RAD51B: variants seen among roughly 807,000 people sequenced by gnomAD.
RAD51B encodes the protein DNA repair protein RAD51 homolog 2.
In RAD51B, 38 loss-of-function variants were observed where a neutral mutation model predicts 42.2. The ratio of observed to expected loss-of-function variants is 0.90; its 90% CI spans 0.70 to 1.18. The LOEUF is 1.18. RAD51B is among the 50% of genes most tolerant of loss of function. RAD51B has a pLI of 0.00. For missense variants in RAD51B, 373 were observed against 400.7 expected (o/e 0.93, Z 0.59); for synonymous variants, 154 against 145.2 (o/e 1.06, Z -0.43).
intron 10 of RAD51B, among the ~76,000 whole-genome samples, chr14:68,608,131 G>A (rs373427781): frequency 2.6e-5 from 4 of 152,192 alleles, no homozygotes; most frequent in African/African-American, 7.2e-5. Context: ...CCCAGGTGCA[G>A]CTGGGCACCA....
chr14:67,879,285 G>C (rs1478977288), intron 5 of RAD51B, among the ~76,000 whole-genome samples: 1 of 152,102 alleles, frequency 6.6e-6, no homozygotes, highest in African/African-American at 2.4e-5. Context: ...AGATTATGTA[G>C]GATAATCTCT....
chr14:68,056,964 C>G (rs1005969893), intron 7 of RAD51B, among the ~76,000 whole-genome samples: 1 of 151,562 alleles, frequency 6.6e-6, no homozygotes, highest in African/African-American at 2.4e-5. Flanking sequence ...TAGCAGATGC[C>G]TATAATCCCA....
chr14:68,604,431 T>C (rs2236184), intron 10 of RAD51B, among the ~76,000 whole-genome samples: 108,029 of 152,124 alleles, frequency 0.71, 38,489 homozygotes, highest in Middle Eastern at 0.82. Context: ...TCACCTCCTG[T>C]GGTGTCCCGC....
intron 7 of RAD51B, among the ~76,000 whole-genome samples, chr14:68,108,316 A>G (rs571702665): frequency 1.3e-5 from 2 of 152,156 alleles, no homozygotes; most frequent in African/African-American, 2.4e-5. Flanking sequence ...AACTTTGTAC[A>G]TAAATATCCA....
At chr14:68,215,876 C>T (rs182955795) in intron 7 of RAD51B, among the ~76,000 whole-genome samples, 14 of 152,222 alleles carry the variant, frequency 9.2e-5, no homozygotes, top group African/African-American at 3.1e-4. Flanking sequence ...TTACTCAGTA[C>T]CAAGGATAAT....
At chr14:68,045,236 C>CA (rs537073885) in intron 7 of RAD51B, among the ~76,000 whole-genome samples, 3,751 of 21,952 alleles carry the variant, frequency 0.17, 713 homozygotes, top group African/African-American at 0.23. Flanking sequence ...AACTCTGTCT[C>CA]AAAAAAAAAA....
intron 9 of RAD51B, among the ~76,000 whole-genome samples, chr14:68,426,102 C>T (rs1248154583): frequency 6.6e-6 from 1 of 150,524 alleles, no homozygotes. Flanking sequence ...GAGTTTCACT[C>T]TTGTTGCCTG....
chr14:68,487,582 C>T (rs907456656), intron 10 of RAD51B, among the ~76,000 whole-genome samples: 4 of 151,814 alleles, frequency 2.6e-5, no homozygotes, highest in Non-Finnish European at 5.9e-5. Flanking sequence ...AATCTTGACT[C>T]ACTGCAGTCT....
At chr14:68,469,888 G>A (rs918071487) in intron 10 of RAD51B, among the ~76,000 whole-genome samples, 6 of 152,164 alleles carry the variant, frequency 3.9e-5, no homozygotes, top group Non-Finnish European at 8.8e-5. Context: ...TTGTTAAATA[G>A]CATTTCTAAG....
At chr14:68,548,898 A>G (rs2140379626) in intron 10 of RAD51B, among the ~76,000 whole-genome samples, 1 of 152,162 alleles carries the variant, frequency 6.6e-6, no homozygotes, top group African/African-American at 2.4e-5. Context: ...GGGGGCCATC[A>G]GTCCCCAGGG....
chr14:67,955,564 G>A (rs1295458017), intron 7 of RAD51B, among the ~76,000 whole-genome samples: 1 of 148,418 alleles, frequency 6.7e-6, no homozygotes, highest in Non-Finnish European at 1.5e-5. Flanking sequence ...CAAATTACAT[G>A]CCTAATGTGT....
At chr14:67,854,628 C>T (rs901943745) in intron 4 of RAD51B, among the ~76,000 whole-genome samples, 8 of 142,840 alleles carry the variant, frequency 5.6e-5, no homozygotes, top group East Asian at 2.1e-4. Context: ...AGTAAGGCTC[C>T]GTCTCAAAAA....
At chr14:68,060,846 A>G (rs984722782) in intron 7 of RAD51B, among the ~76,000 whole-genome samples, 3 of 152,138 alleles carry the variant, frequency 2.0e-5, no homozygotes, top group African/African-American at 7.2e-5. Flanking sequence ...TCTTTTCCCA[A>G]TGTGTGTTTT....
chr14:68,567,272 C>T (rs540071805), intron 10 of RAD51B, among the ~76,000 whole-genome samples: 2 of 152,136 alleles, frequency 1.3e-5, no homozygotes, highest in African/African-American at 4.8e-5. Flanking sequence ...TGCACTCCAG[C>T]CTGGGTGACA....
intron 2 of RAD51B, among the ~76,000 whole-genome samples, chr14:67,824,255 C>T (rs889375831): frequency 1.3e-5 from 2 of 151,932 alleles, no homozygotes; most frequent in African/African-American, 4.8e-5. Flanking sequence ...GGATTTTATC[C>T]TTTTTTTGTT....
At chr14:68,497,084 T>C (rs372817469) in intron 10 of RAD51B, 436 of 1,352,698 alleles carry the variant, frequency 3.2e-4, no homozygotes, top group Middle Eastern at 1.2e-3. Flanking sequence ...AACATCTTTT[T>C]CTAGGTATCT....
intron 7 of RAD51B, among the ~76,000 whole-genome samples, chr14:67,922,482 G>C (rs2044356671): frequency 1.3e-5 from 2 of 151,384 alleles, no homozygotes; most frequent in Non-Finnish European, 2.9e-5. Context: ...AGACATTTAA[G>C]TAAAAGATCT....
intron 10 of RAD51B, among the ~76,000 whole-genome samples, chr14:68,525,792 CAACTTCA>C (rs1886887606): frequency 6.6e-6 from 1 of 152,230 alleles, no homozygotes; most frequent in South Asian, 2.1e-4. Context: ...TAGCCAGCCA[CAACTTCA>C]ATGAGCTCCG....
chr14:68,151,536 A>G (rs1035179507), intron 7 of RAD51B, among the ~76,000 whole-genome samples: 6 of 151,986 alleles, frequency 3.9e-5, no homozygotes, highest in African/African-American at 1.4e-4. Context: ...GTCTCTTACT[A>G]CACATATATA....
Sources: gnomAD v4.1 joint callset for allele counts (sites outside exome capture counted in the v4.1 genomes callset) on GRCh38, gnomAD v4.1.1 for gene constraint, MANE v1.5 for transcripts, NCBI Gene and HGNC (gene_info 2026-07-23, HGNC 2026-07-21) for gene names.